The following PAWR variants were observed in gnomAD, a reference collection of about 807,000 sequenced individuals.
The protein encoded by PAWR is pro-apoptotic WT1 regulator, also known as PRKC apoptosis WT1 regulator protein.
In PAWR, 23 loss-of-function variants were observed where a neutral mutation model predicts 32.0. The ratio of observed to expected loss-of-function variants is 0.72; its 90% CI spans 0.52 to 1.02. PAWR has a LOEUF of 1.02. Among genes scored for constraint, PAWR ranks in the 50% least tolerant of loss-of-function variants. The probability of loss-of-function intolerance (pLI) is 0.00; values close to 1 mark genes in which losing one functional copy is unlikely to be tolerated. For synonymous variants in PAWR, 226 were observed against 187.1 expected (o/e 1.21, Z -1.70); for missense variants, 457 against 437.7 (o/e 1.04, Z -0.39).
At chr12:79,657,456 T>TA (rs1877143927) in intron 2 of PAWR, among the ~76,000 whole-genome samples, 1 of 151,112 alleles carries the variant, frequency 6.6e-6, no homozygotes, top group Non-Finnish European at 1.5e-5. Context: ...ATATAGTAAC[T>TA]AAGTTAAGGG....
chr12:79,671,123 TAAAAAAAAAAA>T (rs80196711), intron 2 of PAWR, among the ~76,000 whole-genome samples: 1 of 99,008 alleles, frequency 1.0e-5, no homozygotes, highest in Admixed American at 1.1e-4. Flanking sequence ...CCTTAGCACT[TAAAAAAAAAAA>T]AAAAAAAAAA....
chr12:79,682,658 A>C (rs1878499639), intron 2 of PAWR, among the ~76,000 whole-genome samples: 1 of 152,160 alleles, frequency 6.6e-6, no homozygotes, highest in South Asian at 2.1e-4. Flanking sequence ...ATATTCCTAC[A>C]ATGTCGTTCA....
rs892975163 is a variant in PAWR, at chr12:79,636,672, A to G, written c.517-15465T>C. ...TCTACTTTCCCATTTGCTCTTTCTCATAAGTAGTAAGTCTTACAAATGAAT... is the reference window on the plus strand; with the variant it reads ...TCTACTTTCCCATTTGCTCTTTCTCGTAAGTAGTAAGTCTTACAAATGAAT... On this transcript the variant is annotated intron_variant, in intron 2 of 6. Coordinates refer to ENST00000328827, the MANE Select transcript of PAWR (RefSeq NM_002583.4). Among the ~76,000 whole-genome samples the G allele has an allele frequency of 5.3e-5, 8 of 152,250 alleles. 1 individual carries two copies. The highest frequency in any genetic ancestry group is 3.4e-3 in the Middle Eastern group (1 of 294).
intron 2 of PAWR, among the ~76,000 whole-genome samples, chr12:79,632,378 G>A (rs1470638244): frequency 3.7e-5 from 2 of 53,980 alleles, no homozygotes; most frequent in African/African-American, 1.2e-4. Flanking sequence ...TTTTTTTTTA[G>A]ACAGGGTCTT....
intron 4 of PAWR, among the ~76,000 whole-genome samples, chr12:79,602,233 C>G (rs1024791050): frequency 6.6e-6 from 1 of 152,014 alleles, no homozygotes; most frequent in African/African-American, 2.4e-5. Context: ...AATATTAATG[C>G]CTTAGTGTTT....
intron 2 of PAWR, among the ~76,000 whole-genome samples, chr12:79,650,255 GA>G (rs1389418949): frequency 6.6e-6 from 1 of 152,198 alleles, no homozygotes; most frequent in East Asian, 1.9e-4. Flanking sequence ...TTCATTTTAT[GA>G]CACATTTTAA....
At chr12:79,606,482 G>A (rs1874187078) in intron 4 of PAWR, among the ~76,000 whole-genome samples, 1 of 152,112 alleles carries the variant, frequency 6.6e-6, no homozygotes, top group Non-Finnish European at 1.5e-5. Context: ...AGAAACTCTA[G>A]ATGTTGTTAG....
At chr12:79,636,104 T>C (rs1460470305) in intron 2 of PAWR, among the ~76,000 whole-genome samples, 1 of 152,128 alleles carries the variant, frequency 6.6e-6, no homozygotes, top group East Asian at 1.9e-4. Flanking sequence ...AATATGGAAA[T>C]AAACTTGACT....
At chr12:79,636,791 C>A (rs1298670539) in intron 2 of PAWR, among the ~76,000 whole-genome samples, 1 of 152,062 alleles carries the variant, frequency 6.6e-6, no homozygotes. Context: ...CTTGTTCCTT[C>A]GATTTTCAGA....
chr12:79,628,543 T>C (rs1211173013), intron 2 of PAWR, among the ~76,000 whole-genome samples: 1 of 152,060 alleles, frequency 6.6e-6, no homozygotes, highest in Non-Finnish European at 1.5e-5. Flanking sequence ...ATCTGTCAAA[T>C]AAAGGTTCTA....
chr12:79,687,896 T>C (rs927866497), intron 2 of PAWR, among the ~76,000 whole-genome samples: 1 of 152,144 alleles, frequency 6.6e-6, no homozygotes, highest in African/African-American at 2.4e-5. Flanking sequence ...CATTACTGTT[T>C]TGTTGGGTCC....
chr12:79,683,011 G>A (rs1376515827), intron 2 of PAWR, among the ~76,000 whole-genome samples: 4 of 152,180 alleles, frequency 2.6e-5, no homozygotes, highest in Admixed American at 2.6e-4. Context: ...AATTAAAAAT[G>A]AGTGAAAGTA....
At chr12:79,605,189 C>T (rs929841786) in intron 4 of PAWR, among the ~76,000 whole-genome samples, 42 of 151,770 alleles carry the variant, frequency 2.8e-4, no homozygotes, top group Non-Finnish European at 2.1e-4. Context: ...CTGTTTATAG[C>T]AATATATTAT....
intron 2 of PAWR, among the ~76,000 whole-genome samples, chr12:79,624,323 G>T (rs1875174122): frequency 6.6e-6 from 1 of 151,532 alleles, no homozygotes; most frequent in African/African-American, 2.4e-5. Context: ...TATATTAAAA[G>T]AAAAAAGAAA....
intron 4 of PAWR, among the ~76,000 whole-genome samples, chr12:79,611,945 A>G (rs1235374048): frequency 2.0e-5 from 3 of 152,150 alleles, no homozygotes; most frequent in African/African-American, 4.8e-5. Context: ...CAAATTTGAA[A>G]AGTGTCATTC....
At chr12:79,688,034 A>T (rs1395530715) in intron 2 of PAWR, among the ~76,000 whole-genome samples, 1 of 152,120 alleles carries the variant, frequency 6.6e-6, no homozygotes, top group Non-Finnish European at 1.5e-5. Context: ...GTTTTCAGGG[A>T]AGATTAAATT....
chr12:79,632,332 TATATATATATATATATATA>T lies in PAWR; in HGVS notation c.517-11144_517-11126del, dbSNP rs1875710282. 6.2e-5 allele frequency among the ~76,000 whole-genome samples: 3 copies of T among 48,774 alleles called. 1 individual carries two copies. In the African/African-American group the frequency reaches 8.6e-4, roughly 14 times the overall value. 32.0% of individuals were successfully genotyped at this position (48,774 alleles called of 152,430 possible). The stretch of plus-strand genomic sequence containing the variant: ...ACATACATATATATATATATATATA[TATATATATATATATATATA>T]TATATATATATTTTTTTTTTTTTTT... On this transcript the variant is annotated intron_variant, in intron 2 of 6. Transcript: ENST00000328827.
chr12:79,620,112 T>C (rs565903941), intron 3 of PAWR, among the ~76,000 whole-genome samples: 1 of 152,356 alleles, frequency 6.6e-6, no homozygotes, highest in East Asian at 1.9e-4. Flanking sequence ...ACATGCTAAC[T>C]GACCCTCAGG....
intron 4 of PAWR, among the ~76,000 whole-genome samples, chr12:79,601,160 A>G (rs1164400948): frequency 6.6e-6 from 1 of 151,900 alleles, no homozygotes; most frequent in Non-Finnish European, 1.5e-5. Flanking sequence ...GAGTGTAAAC[A>G]TAAGAGTAAT....
Sources: allele counts gnomAD v4.1 joint callset (sites outside exome capture counted in the v4.1 genomes callset), GRCh38; gene constraint gnomAD v4.1.1; transcripts MANE v1.5; gene names NCBI Gene and HGNC (gene_info 2026-07-23, HGNC 2026-07-21).